The following CDCP1 variants were observed in gnomAD, a reference collection of about 807,000 sequenced individuals.
CDCP1 encodes CUB domain containing protein 1.
CDCP1 carries 29 observed loss-of-function variants against 60.2 expected under a neutral mutation model. The observed-to-expected ratio is 0.48, with a 90% CI of 0.36 to 0.66. CDCP1 has a LOEUF of 0.66. Among genes scored for constraint, CDCP1 ranks in the 30% least tolerant of loss-of-function variants. CDCP1 has a pLI of 0.00. For missense variants in CDCP1, 876 were observed against 1,074.3 expected (o/e 0.82, Z 2.58); for synonymous variants, 387 against 431.1 (o/e 0.90, Z 1.27).
At chr3:45,087,976 C>T (rs567792178) in intron 8 of CDCP1, among the ~76,000 whole-genome samples, 43 of 150,400 alleles carry the variant, frequency 2.9e-4, no homozygotes, top group South Asian at 2.7e-3. Flanking sequence ...GAGCCGAGAT[C>T]GCGCCACTGC....
At chr3:45,121,886 A>G (rs1462350051) in intron 1 of CDCP1, among the ~76,000 whole-genome samples, 1 of 152,244 alleles carries the variant, frequency 6.6e-6, no homozygotes, top group East Asian at 1.9e-4. Flanking sequence ...CACACAAAGT[A>G]GGCATGTAAT....
intron 1 of CDCP1, among the ~76,000 whole-genome samples, chr3:45,125,634 G>A (rs569760005): frequency 6.6e-6 from 1 of 152,344 alleles, no homozygotes; most frequent in South Asian, 2.1e-4. Context: ...CCATTGAAGG[G>A]TGCTAAGCAG....
At chr3:45,129,692 C>T (rs889299759) in intron 1 of CDCP1, among the ~76,000 whole-genome samples, 1 of 152,120 alleles carries the variant, frequency 6.6e-6, no homozygotes, top group Non-Finnish European at 1.5e-5. Context: ...GCCCACAGCT[C>T]CCCTCCCTCA....
intron 5 of CDCP1, among the ~76,000 whole-genome samples, chr3:45,094,882 G>C (rs1261927550): frequency 6.6e-6 from 1 of 152,010 alleles, no homozygotes; most frequent in Non-Finnish European, 1.5e-5. Flanking sequence ...CCAAAGGGAC[G>C]TGTTGACACC....
At chr3:45,100,250 T>C (rs1356387673) in intron 4 of CDCP1, among the ~76,000 whole-genome samples, 1 of 152,238 alleles carries the variant, frequency 6.6e-6, no homozygotes, top group Non-Finnish European at 1.5e-5. Context: ...TGGAGCCTCA[T>C]GCTCAGTACT....
rs1417996691 is a variant in CDCP1, at chr3:45,095,509, G to A, written c.1084C>T (p.Arg362Trp). The change falls in exon 5 of 9, where the codon CGG becomes TGG. Residue 362 changes from arginine to tryptophan, a missense_variant. Coordinates refer to ENST00000296129, the MANE Select transcript of CDCP1 (RefSeq NM_022842.5). ...ERAMSLTIEP[R>W]PVKQSRKFVP... ...AACTTGCGGCTCTGTTTGACGGGCC[G>A]TGGCTCGATGGTGAGTGACATGGCT... The A allele has an allele frequency of 4.3e-6, 7 of 1,614,014 alleles. No individual in the cohort carries two copies. The highest frequency in any genetic ancestry group is 2.2e-5 in the South Asian group (2 of 91,086).
chr3:45,087,937 G>C, intron 8 of CDCP1, among the ~76,000 whole-genome samples: 1 of 150,858 alleles, frequency 6.6e-6, no homozygotes, highest in Non-Finnish European at 1.5e-5. Context: ...CAGGGGAATC[G>C]CTTGAACCCG....
intron 1 of CDCP1, among the ~76,000 whole-genome samples, chr3:45,136,249 T>C (rs1324626174): frequency 6.6e-6 from 1 of 152,062 alleles, no homozygotes; most frequent in Non-Finnish European, 1.5e-5. Flanking sequence ...ATTGTGTGGG[T>C]GGGTGGAAGA....
intron 4 of CDCP1, among the ~76,000 whole-genome samples, chr3:45,107,788 C>T (rs889405428): frequency 2.6e-5 from 4 of 152,136 alleles, no homozygotes; most frequent in African/African-American, 9.7e-5. Flanking sequence ...GCCAGCAATA[C>T]AAGCTGCCTA....
In CDCP1 at chr3:45,112,291, G is replaced by T; in HGVS notation, c.447C>A (p.Ile149=). Residue 149 remains isoleucine, a synonymous_variant, in exon 3 of 9, where the codon ATC becomes ATA. Transcript: ENST00000296129. ...CGTCTGGGCAGCTCTCACCCGGACC[G>T]ATCTGCCTCAGGCGAGGGATGGAAA... is the stretch of plus-strand genomic sequence containing the variant. The part of the protein sequence containing the change: ...LQFSIPRLRQ[I]GPGESCPDGV... 6.2e-7 allele frequency: 1 copy of T among 1,614,206 alleles called. No individual in the cohort carries two copies. Among genetic ancestry groups the T allele is most frequent in the Non-Finnish European group, 8.5e-7 (1 of 1,180,030 alleles).
At chr3:45,129,947 G>A (rs1035520974) in intron 1 of CDCP1, among the ~76,000 whole-genome samples, 1 of 151,980 alleles carries the variant, frequency 6.6e-6, no homozygotes, top group Non-Finnish European at 1.5e-5. Context: ...AGTGAACCTG[G>A]GGTGGGGAAG....
Position 45,091,359 on chromosome 3 carries a change from G to A in CDCP1, c.1807C>T (p.Arg603Cys), listed in dbSNP as rs1698293358. Residue 603 changes from arginine (R) to cysteine (C), a missense_variant, in exon 7 of 9, where the codon CGC becomes TGC. Physicochemically the swap from Arg to Cys is radical, Grantham distance 180. Transcript: ENST00000296129. The surrounding 1 kb of genome is among the most constrained non-coding windows in gnomAD (Gnocchi z 4.8). Reference protein sequence around the residue: ...ERSGVVCQTGRAFMIIQEQRT... With the variant: ...ERSGVVCQTGCAFMIIQEQRT... ...TGCTCCTGGATGATCATGAATGCGC[G>A]CCCTGTCTGGCAGACCACGCCGCTC... The A allele has an allele frequency of 7.4e-6, 12 of 1,614,110 alleles. No individual in the cohort carries two copies. The highest frequency in any genetic ancestry group is 1.1e-5 in the South Asian group (1 of 91,080).
intron 1 of CDCP1, among the ~76,000 whole-genome samples, chr3:45,140,384 T>C (rs192853650): frequency 1.3e-3 from 200 of 152,354 alleles, no homozygotes; most frequent in Middle Eastern, 6.8e-3. Flanking sequence ...GTAGGATCAT[T>C]TGCACTTCAT....
intron 1 of CDCP1, 24 bp from the exon 2 acceptor site, chr3:45,118,645 G>C: frequency 6.0e-5 from 95 of 1,592,196 alleles, no homozygotes; most frequent in Non-Finnish European, 7.4e-5. Context: ...GGAAAATGAA[G>C]TAAGCAGGAT....
intron 4 of CDCP1, among the ~76,000 whole-genome samples, chr3:45,096,391 G>A (rs367717812): frequency 6.6e-5 from 10 of 152,140 alleles, no homozygotes; most frequent in African/African-American, 1.7e-4. Flanking sequence ...TTGGGAGGCC[G>A]AGGCGGGCAG....
chr3:45,099,093 T>A (rs1322581502), intron 4 of CDCP1, among the ~76,000 whole-genome samples: 2 of 151,812 alleles, frequency 1.3e-5, no homozygotes, highest in Non-Finnish European at 1.5e-5. Context: ...TTGGACTAGA[T>A]CCTGGGCTTC....
At chr3:45,141,854 C>T (rs1018713219) in intron 1 of CDCP1, among the ~76,000 whole-genome samples, 1 of 151,482 alleles carries the variant, frequency 6.6e-6, no homozygotes, top group African/African-American at 2.4e-5. Flanking sequence ...TTTTTTGAGA[C>T]AAAGTCTTGT....
At chr3:45,141,280 CTG>C (rs1699286241) in intron 1 of CDCP1, among the ~76,000 whole-genome samples, 1 of 152,110 alleles carries the variant, frequency 6.6e-6, no homozygotes. Context: ...CCCTACATTA[CTG>C]CACACAAAGC....
At chr3:45,126,127 T>TTTCTTTCC (rs1698983676) in intron 1 of CDCP1, among the ~76,000 whole-genome samples, 1 of 128,030 alleles carries the variant, frequency 7.8e-6, no homozygotes, top group Non-Finnish European at 1.6e-5. Context: ...TCTTTCTTTC[T>TTTCTTTCC]TTCTTTCTTT....
Sources: gnomAD v4.1 joint callset for allele counts (sites outside exome capture counted in the v4.1 genomes callset) on GRCh38, gnomAD v4.1.1 for gene constraint, Gnocchi (gnomAD v3.1) non-coding constraint, MANE v1.5 for transcripts, NCBI Gene and HGNC (gene_info 2026-07-23, HGNC 2026-07-21) for gene names.